Variants in KLF12 observed in about 807,000 individuals in gnomAD.
The protein encoded by KLF12 is Krueppel-like factor 12.
In KLF12, 9 loss-of-function variants were observed where a neutral mutation model predicts 37.8. The ratio of observed to expected loss-of-function variants is 0.24; its 90% CI spans 0.14 to 0.42. The LOEUF is 0.42. Among genes scored for constraint, KLF12 ranks in the 10% least tolerant of loss-of-function variants. The pLI, the probability that KLF12 is intolerant of heterozygous loss-of-function variation, is 1.00. For missense variants in KLF12, 411 were observed against 516.0 expected, an observed-to-expected ratio of 0.80 and a Z score of 1.97; for synonymous variants, 208 against 202.1, an observed-to-expected ratio of 1.03 and a Z score of -0.25.
At chr13:74,230,785 T>C in the KLF12 span, among the ~76,000 whole-genome samples, 4,346 of 152,306 alleles carry the variant, frequency 0.029, 136 homozygotes, top group African/African-American at 0.074. Context: ...CTAAACCTGG[T>C]GCTTGTTTCT....
chr13:74,204,144 G>T, the KLF12 span, among the ~76,000 whole-genome samples: 1 of 152,040 alleles, frequency 6.6e-6, no homozygotes. Context: ...TTAAATTCCA[G>T]TTTTTTATTT....
At chr13:73,919,223 A>G (rs1889000207) in intron 3 of KLF12, among the ~76,000 whole-genome samples, 1 of 152,184 alleles carries the variant, frequency 6.6e-6, no homozygotes, top group Admixed American at 6.6e-5. Context: ...CTAACAAGGG[A>G]GCTCCTAAAG....
chr13:73,843,433 C>T (rs1373626626), intron 4 of KLF12, among the ~76,000 whole-genome samples: 8 of 151,868 alleles, frequency 5.3e-5, no homozygotes, highest in Non-Finnish European at 1.0e-4. Context: ...TCAGCCTCCT[C>T]AGTAGCTGGG....
intron 1 of KLF12, among the ~76,000 whole-genome samples, chr13:74,051,481 A>G (rs972113687): frequency 6.6e-6 from 1 of 152,124 alleles, no homozygotes; most frequent in Non-Finnish European, 1.5e-5. Context: ...AGGGGCATGA[A>G]ACAGGAAGAA....
At chr13:73,944,363 C>T (rs1890326230) in intron 2 of KLF12, among the ~76,000 whole-genome samples, 1 of 152,112 alleles carries the variant, frequency 6.6e-6, no homozygotes, top group African/African-American at 2.4e-5. Context: ...TATGGGGCTG[C>T]AACAATTCAT....
chr13:74,239,237 G>A, the KLF12 span, among the ~76,000 whole-genome samples: 1 of 152,042 alleles, frequency 6.6e-6, no homozygotes, highest in African/African-American at 2.4e-5. Flanking sequence ...CATTTTCCAT[G>A]TAGTTGAGCC....
intron 5 of KLF12, among the ~76,000 whole-genome samples, chr13:73,788,597 A>G (rs1881489666): frequency 1.3e-5 from 2 of 152,158 alleles, no homozygotes; most frequent in Admixed American, 1.3e-4. Flanking sequence ...GTGCTCGTAT[A>G]TCAAGCACAC....
intron 6 of KLF12, among the ~76,000 whole-genome samples, chr13:73,736,484 T>A (rs1423592944): frequency 2.0e-5 from 3 of 152,128 alleles, no homozygotes; most frequent in Non-Finnish European, 2.9e-5. Context: ...ACTAGAAAAG[T>A]CACCATTTTA....
intron 3 of KLF12, among the ~76,000 whole-genome samples, chr13:73,880,932 A>G (rs896980241): frequency 6.6e-6 from 1 of 152,240 alleles, no homozygotes; most frequent in African/African-American, 2.4e-5. Context: ...TTATTATTGC[A>G]TTAGAAAATA....
chr13:73,764,898 C>T (rs371429729), intron 6 of KLF12, 40 bp downstream of exon 6: 32 of 1,181,962 alleles, frequency 2.7e-5, no homozygotes, highest in Non-Finnish European at 3.6e-5. Flanking sequence ...TAAAGTTTCC[C>T]GTAAGACCTA....
intron 3 of KLF12, among the ~76,000 whole-genome samples, chr13:73,875,672 A>C (rs944735770): frequency 5.3e-5 from 8 of 152,174 alleles, no homozygotes; most frequent in Non-Finnish European, 1.0e-4. Context: ...CTTGACAAAA[A>C]TAATTGATAA....
intron 1 of KLF12, 69 bp from the exon 2 acceptor site, chr13:73,995,122 G>GA (rs1156486171): frequency 1.1e-5 from 11 of 979,908 alleles, no homozygotes; most frequent in African/African-American, 3.3e-5. Flanking sequence ...CTCCTTTGGG[G>GA]AAAAAAATAC....
At chr13:74,304,663 T>C in the KLF12 span, among the ~76,000 whole-genome samples, 1 of 152,004 alleles carries the variant, frequency 6.6e-6, no homozygotes, top group East Asian at 1.9e-4. Flanking sequence ...GTGAAGTACG[T>C]GTTTATTACT....
At chr13:73,721,883 T>A (rs942567782) in intron 6 of KLF12, among the ~76,000 whole-genome samples, 1 of 152,184 alleles carries the variant, frequency 6.6e-6, no homozygotes, top group Non-Finnish European at 1.5e-5. Flanking sequence ...TTATAAACTA[T>A]GTATTTCCAA....
chr13:73,935,626 GATTT>G (rs909465751), intron 3 of KLF12, among the ~76,000 whole-genome samples: 3 of 151,878 alleles, frequency 2.0e-5, no homozygotes, highest in African/African-American at 7.3e-5. Flanking sequence ...TTTCTGCCAT[GATTT>G]ATTTATTTAT....
chr13:73,835,899 A>C (rs1395948065), intron 4 of KLF12, among the ~76,000 whole-genome samples: 1 of 152,186 alleles, frequency 6.6e-6, no homozygotes, highest in African/African-American at 2.4e-5. Context: ...CCAGTGTGAT[A>C]ATCATTTTAG....
intron 1 of KLF12, among the ~76,000 whole-genome samples, chr13:74,054,917 C>A (rs1873156918): frequency 6.6e-6 from 1 of 152,150 alleles, no homozygotes; most frequent in Non-Finnish European, 1.5e-5. Context: ...AATAAAAGTT[C>A]ATTGTATTAT....
At chr13:74,305,436 GT>G in the KLF12 span, among the ~76,000 whole-genome samples, 1 of 151,846 alleles carries the variant, frequency 6.6e-6, no homozygotes, top group African/African-American at 2.4e-5. Flanking sequence ...ATATTTAGTT[GT>G]TTTTTCCCTT....
At chr13:74,151,372 C>T in the KLF12 span, among the ~76,000 whole-genome samples, 2 of 152,084 alleles carry the variant, frequency 1.3e-5, no homozygotes, top group African/African-American at 2.4e-5. Context: ...ATCTCCAGGC[C>T]GGGCACGGTA....
Sources: gnomAD v4.1 joint callset for allele counts (sites outside exome capture counted in the v4.1 genomes callset) on GRCh38, gnomAD v4.1.1 for gene constraint, MANE v1.5 for transcripts, NCBI Gene and HGNC (gene_info 2026-07-23, HGNC 2026-07-21) for gene names.